Variants in TNPO3 observed in about 807,000 individuals in gnomAD.
TNPO3 encodes transportin-3.
In TNPO3, 65 loss-of-function variants were observed where a neutral mutation model predicts 122.8. The ratio of observed to expected loss-of-function variants is 0.53; its 90% CI spans 0.43 to 0.65. The LOEUF (loss-of-function observed/expected upper bound fraction) is 0.65. Ranked by LOEUF, TNPO3 falls within the 30% of genes least tolerant of loss-of-function variation. The probability of loss-of-function intolerance (pLI) is 0.00; values close to 1 mark genes in which losing one functional copy is unlikely to be tolerated. For missense variants in TNPO3, 850 were observed against 1,136.7 expected (o/e 0.75, Z 3.63); for synonymous variants, 372 against 411.2 (o/e 0.90, Z 1.15).
chr7:129,027,052 A>T (rs145894490), intron 1 of TNPO3, among the ~76,000 whole-genome samples: 50 of 152,306 alleles, frequency 3.3e-4, no homozygotes, highest in Non-Finnish European at 6.5e-4. Context: ...TGCTAGGATT[A>T]CAGGCACGAA....
Position 128,970,306 on chromosome 7 carries a change from C to T in TNPO3, c.2440G>A (p.Asp814Asn). Residue 814 changes from aspartate to asparagine, a missense_variant, in exon 20 of 23, where the codon GAC (aspartate) becomes AAC (asparagine). Asp to Asn is a conservative substitution (Grantham distance 23). Transcript: ENST00000265388. ...ATCAGTTCTTTCCGTAATTCAAAGT[C>T]TTCTTCATGCTGTATGTAGGAAAGC... Reference protein sequence around the residue: ...HTGVANDHEEDFELRKELIGQ... With the variant: ...HTGVANDHEENFELRKELIGQ... The T allele has an allele frequency of 6.3e-7, 1 of 1,595,918 alleles. No individual in the cohort carries two copies. The highest frequency in any genetic ancestry group is 8.5e-7 in the Non-Finnish European group (1 of 1,169,894).
chr7:129,038,450 T>C (rs185917520), intron 1 of TNPO3, among the ~76,000 whole-genome samples: 170 of 152,324 alleles, frequency 1.1e-3, no homozygotes, highest in African/African-American at 3.8e-3. Context: ...AAAACAGAAC[T>C]ACCATTCGAC....
At chr7:129,002,567 G>A (rs1486960215) in intron 5 of TNPO3, among the ~76,000 whole-genome samples, 1 of 152,142 alleles carries the variant, frequency 6.6e-6, no homozygotes, top group Admixed American at 6.5e-5. Context: ...TATTTATTAG[G>A]TATTCTTAGA....
intron 1 of TNPO3, among the ~76,000 whole-genome samples, chr7:129,020,959 AAACAACAGGGTGTC>A (rs1360860440): frequency 1.3e-4 from 20 of 152,186 alleles, no homozygotes; most frequent in Admixed American, 6.5e-5. Context: ...AAGCAGAGGC[AAACAACAGGGTGTC>A]TACTGGACCT....
At chr7:129,016,894 G>T in intron 3 of TNPO3, 89 bp downstream of exon 3, 1 of 1,095,246 alleles carries the variant, frequency 9.1e-7, no homozygotes. Context: ...CAGGGAAATA[G>T]TCAAATATCT....
In TNPO3 at chr7:129,005,093, T is replaced by C. The variant is rs777728222; in HGVS notation, c.619A>G (p.Ser207Gly). 1.9e-6 allele frequency: 3 copies of C among 1,614,016 alleles called. No homozygotes were observed. The highest frequency in any genetic ancestry group is 2.5e-6 in the Non-Finnish European group (3 of 1,179,934). Residue 207 changes from serine (S) to glycine (G), a missense_variant, in exon 5 of 23, where the codon AGT (serine) becomes GGT (glycine). By Grantham distance (56) the Ser-to-Gly change is moderately conservative. Coordinates refer to ENST00000265388, the MANE Select transcript of TNPO3 (RefSeq NM_012470.4). ...TCCAAAACTCCCAAGTTAAACCAAC[T>C]TCCCAAACAGCGAAAAACCTTCATA... ...MLMKVFRCLG[S>G]WFNLGVLDSN...
chr7:129,006,965 G>A (rs1802643487), intron 4 of TNPO3, among the ~76,000 whole-genome samples: 1 of 152,118 alleles, frequency 6.6e-6, no homozygotes, highest in South Asian at 2.1e-4. Context: ...AAGAAAGGAA[G>A]TCCAAGTATA....
chr7:129,001,638 C>G (rs975665980), intron 5 of TNPO3, among the ~76,000 whole-genome samples: 4 of 151,750 alleles, frequency 2.6e-5, no homozygotes, highest in Admixed American at 6.5e-5. Flanking sequence ...ATTAGAGCCT[C>G]TTTCTTTCTT....
At chr7:129,011,484 C>G (rs1803189711) in intron 4 of TNPO3, among the ~76,000 whole-genome samples, 1 of 152,164 alleles carries the variant, frequency 6.6e-6, no homozygotes, top group African/African-American at 2.4e-5. Flanking sequence ...GCTGGGACTA[C>G]AGCTGCATGC....
At chr7:128,961,856 G>A (rs1444089936) in intron 21 of TNPO3, among the ~76,000 whole-genome samples, 1 of 152,100 alleles carries the variant, frequency 6.6e-6, no homozygotes, top group Non-Finnish European at 1.5e-5. Flanking sequence ...CAGTATCAAT[G>A]CTTCCCATGT....
intron 13 of TNPO3, 27 bp from the exon 14 acceptor site, chr7:128,982,351 C>T: frequency 1.9e-6 from 3 of 1,597,344 alleles, no homozygotes; most frequent in Non-Finnish European, 2.6e-6. Context: ...ACATTAACAC[C>T]CAATTGTCAC....
chr7:128,994,603 T>C (rs1563096870), intron 8 of TNPO3, among the ~76,000 whole-genome samples: 1 of 152,200 alleles, frequency 6.6e-6, no homozygotes. Context: ...TGAAGATTTA[T>C]GTTTCAAGAT....
At chr7:128,988,168 G>A (rs564542274) in intron 11 of TNPO3, among the ~76,000 whole-genome samples, 1 of 152,018 alleles carries the variant, frequency 6.6e-6, no homozygotes, top group South Asian at 2.1e-4. Flanking sequence ...GTAGAGACGA[G>A]GTTTCGCCTG....
intron 1 of TNPO3, among the ~76,000 whole-genome samples, chr7:129,018,855 A>G (rs1446828306): frequency 6.6e-6 from 1 of 152,126 alleles, no homozygotes; most frequent in Non-Finnish European, 1.5e-5. Context: ...ATTAGCTAGG[A>G]TAACAGGTGT....
chr7:128,963,430 C>T (rs768717558), intron 21 of TNPO3, among the ~76,000 whole-genome samples: 1 of 152,224 alleles, frequency 6.6e-6, no homozygotes, highest in Non-Finnish European at 1.5e-5. Context: ...TCCCCTGAAA[C>T]AGCTTGTAGA....
intron 1 of TNPO3, chr7:129,029,925 G>C (rs1025215915): frequency 6.6e-6 from 1 of 152,378 alleles, no homozygotes; most frequent in Non-Finnish European, 1.5e-5. Context: ...TACTCGGGAG[G>C]CTGAGGCAGG....
chr7:128,970,429 C>T (rs980367334), intron 19 of TNPO3, 114 bp from the exon 20 acceptor site: 346 of 916,628 alleles, frequency 3.8e-4, no homozygotes, highest in Admixed American at 6.3e-4. Flanking sequence ...TGTGTGTGTG[C>T]ACGCGTGGCT....
chr7:128,987,289 C>T (rs147429183), intron 11 of TNPO3, among the ~76,000 whole-genome samples: 2,358 of 152,136 alleles, frequency 0.015, 30 homozygotes, highest in Non-Finnish European at 0.024. Context: ...ACAATTATAC[C>T]GAGGGATGAA....
chr7:129,041,579 C>T, intron 1 of TNPO3: 1 of 985,472 alleles, frequency 1.0e-6, no homozygotes, highest in South Asian at 4.7e-5. Flanking sequence ...TTTCTAGCCA[C>T]AGATGCCAGG....
Sources: allele counts gnomAD v4.1 joint callset (sites outside exome capture counted in the v4.1 genomes callset), GRCh38; gene constraint gnomAD v4.1.1; transcripts MANE v1.5; gene names NCBI Gene and HGNC (gene_info 2026-07-23, HGNC 2026-07-21).